Variants in ZNF385D observed in about 807,000 individuals in gnomAD.
The protein encoded by ZNF385D is zinc finger protein 385D.
A neutral mutation model predicts 35.8 loss-of-function variants in ZNF385D; 15 were observed. That is an observed-to-expected ratio of 0.42 (90% CI 0.28 to 0.64). The LOEUF is 0.64. ZNF385D is among the 30% of genes least tolerant of loss of function. The pLI is 0.23. For synonymous variants in ZNF385D, 212 were observed against 186.8 expected, an observed-to-expected ratio of 1.13 and a Z score of -1.10; for missense variants, 474 against 494.6, an observed-to-expected ratio of 0.96 and a Z score of 0.39.
chr3:22,057,282 T>A (rs901373146), intron 3 of ZNF385D, among the ~76,000 whole-genome samples: 3 of 152,166 alleles, frequency 2.0e-5, no homozygotes, highest in Non-Finnish European at 4.4e-5. Flanking sequence ...TACCCATACC[T>A]CATAGGTTAT....
chr3:21,464,634 C>G (rs1451071090), intron 4 of ZNF385D, among the ~76,000 whole-genome samples: 6 of 151,914 alleles, frequency 3.9e-5, no homozygotes, highest in Non-Finnish European at 8.8e-5. Flanking sequence ...AGCTGCAGTT[C>G]AACATTAATA....
intron 3 of ZNF385D, among the ~76,000 whole-genome samples, chr3:22,148,020 A>G (rs1475239315): frequency 6.6e-6 from 1 of 152,128 alleles, no homozygotes; most frequent in East Asian, 1.9e-4. Flanking sequence ...TTGCTTTATA[A>G]CTCCTTATTA....
In ZNF385D at chr3:21,667,880, G is replaced by A. The variant is rs554642973; in HGVS notation, c.23-2852C>T. 3.3e-5 allele frequency among the ~76,000 whole-genome samples: 5 copies of A among 151,962 alleles called. No homozygotes were observed. In the South Asian group the frequency reaches 1.0e-3, roughly 32 times the overall value. On this transcript the variant is annotated intron_variant, in intron 1 of 7. Transcript: ENST00000281523. ...ATTTATACTTGTATAAACAGTTCAAGGTCCTCTCTCAGTGTTGCAACTGGA... is the reference window on the plus strand; with the variant it reads ...ATTTATACTTGTATAAACAGTTCAAAGTCCTCTCTCAGTGTTGCAACTGGA...
chr3:22,047,409 A>G (rs558908829), intron 3 of ZNF385D, among the ~76,000 whole-genome samples: 1 of 151,450 alleles, frequency 6.6e-6, no homozygotes, highest in Non-Finnish European at 1.5e-5. Flanking sequence ...TTATTACCCC[A>G]CTCCTCAGCC....
chr3:22,039,834 A>T (rs1009431109), intron 3 of ZNF385D, among the ~76,000 whole-genome samples: 1 of 151,672 alleles, frequency 6.6e-6, no homozygotes, highest in Non-Finnish European at 1.5e-5. Flanking sequence ...CTTCAGTACC[A>T]CTCTTCATCC....
intron 2 of ZNF385D, among the ~76,000 whole-genome samples, chr3:21,663,563 G>A (rs1575419523): frequency 1.3e-5 from 2 of 152,092 alleles, no homozygotes; most frequent in South Asian, 2.1e-4. Context: ...GGATTTCAGT[G>A]TAGTCATTTA....
At chr3:22,263,950 TAAGAG>T (rs1319096826) in intron 2 of ZNF385D, among the ~76,000 whole-genome samples, 1 of 151,986 alleles carries the variant, frequency 6.6e-6, no homozygotes, top group African/African-American at 2.4e-5. Flanking sequence ...TTAAAAATTA[TAAGAG>T]AAGGAATATT....
chr3:21,871,241 C>T (rs1697675561), intron 3 of ZNF385D, among the ~76,000 whole-genome samples: 1 of 152,060 alleles, frequency 6.6e-6, no homozygotes, highest in Non-Finnish European at 1.5e-5. Context: ...ACTGTATTTC[C>T]CTCACTTTCT....
At chr3:22,011,478 A>G (rs141858878) in intron 3 of ZNF385D, among the ~76,000 whole-genome samples, 40 of 152,198 alleles carry the variant, frequency 2.6e-4, no homozygotes, top group African/African-American at 9.6e-4. Flanking sequence ...GAAGAGAACA[A>G]CTCTTACTAT....
chr3:21,736,291 C>A (rs1559566560), intron 1 of ZNF385D, among the ~76,000 whole-genome samples: 1 of 152,072 alleles, frequency 6.6e-6, no homozygotes, highest in Non-Finnish European at 1.5e-5. Flanking sequence ...TGACATCTTC[C>A]TTTTTTTACC....
chr3:21,558,166 T>C (rs1250010674), intron 3 of ZNF385D, among the ~76,000 whole-genome samples: 1 of 151,186 alleles, frequency 6.6e-6, no homozygotes, highest in East Asian at 1.9e-4. Flanking sequence ...TCAGTTCTGC[T>C]CTGATCTTAG....
At chr3:21,974,829 A>G (rs1245112234) in intron 3 of ZNF385D, among the ~76,000 whole-genome samples, 1 of 152,174 alleles carries the variant, frequency 6.6e-6, no homozygotes, top group Non-Finnish European at 1.5e-5. Flanking sequence ...GCACAACATC[A>G]CTGATCATCA....
chr3:22,089,667 G>C (rs896178444), intron 3 of ZNF385D, among the ~76,000 whole-genome samples: 1 of 152,084 alleles, frequency 6.6e-6, no homozygotes, highest in African/African-American at 2.4e-5. Context: ...CTGAGTAAGG[G>C]GGGGATTTCC....
chr3:21,579,496 C>G (rs2063589084), intron 2 of ZNF385D: 1 of 151,788 alleles, frequency 6.6e-6, no homozygotes, highest in Non-Finnish European at 1.5e-5. Context: ...TTATGAAATC[C>G]TGGTGCTATT....
intron 2 of ZNF385D, among the ~76,000 whole-genome samples, chr3:22,356,359 G>C (rs1696148529): frequency 6.6e-6 from 1 of 151,952 alleles, no homozygotes; most frequent in Admixed American, 6.6e-5. Flanking sequence ...ATCTTTGTAT[G>C]ATTTCTCTTT....
chr3:22,370,779 G>A (rs1009332336), intron 2 of ZNF385D, among the ~76,000 whole-genome samples: 3 of 152,134 alleles, frequency 2.0e-5, no homozygotes, highest in African/African-American at 7.2e-5. Context: ...ATTTACGTTA[G>A]CTGTAGAGTT....
intron 2 of ZNF385D, among the ~76,000 whole-genome samples, chr3:22,332,336 C>T (rs1296757276): frequency 6.6e-6 from 1 of 152,082 alleles, no homozygotes; most frequent in Non-Finnish European, 1.5e-5. Flanking sequence ...ACCCAGATGG[C>T]CTCAAAGAGG....
At chr3:21,790,008 G>A (rs2071861794) in intron 3 of ZNF385D, among the ~76,000 whole-genome samples, 1 of 152,120 alleles carries the variant, frequency 6.6e-6, no homozygotes, top group Admixed American at 6.5e-5. Context: ...TCAGATAGAT[G>A]TACATGAAAT....
rs142463378 is a variant in ZNF385D, at chr3:22,241,505, T to A, written c.107-72470A>T. ...CTCAGTTTCCAAATCGTGGACAAGA[T>A]TGATTTTGTGTATTCTGTATAGACA... On this transcript the variant is annotated intron_variant, in intron 2 of 5. Transcript: ENST00000494108. 5.9e-5 allele frequency among the ~76,000 whole-genome samples: 9 copies of A among 151,420 alleles called. 1 individual carries two copies. In the South Asian group the frequency reaches 1.3e-3, roughly 22 times the overall value.
Sources: allele counts gnomAD v4.1 joint callset (sites outside exome capture counted in the v4.1 genomes callset), GRCh38; gene constraint gnomAD v4.1.1; transcripts MANE v1.5; gene names NCBI Gene and HGNC (gene_info 2026-07-23, HGNC 2026-07-21).